Variants in NEMF observed in about 807,000 individuals in gnomAD.
NEMF encodes nuclear export mediator factor.
In NEMF, 89 loss-of-function variants were observed where a neutral mutation model predicts 162.2. The ratio of observed to expected loss-of-function variants is 0.55; its 90% CI spans 0.46 to 0.65. The LOEUF is 0.65. NEMF is among the 30% of genes least tolerant of loss of function. The probability of loss-of-function intolerance (pLI) is 0.00; values close to 1 mark genes in which losing one functional copy is unlikely to be tolerated. For synonymous variants in NEMF, 421 were observed against 404.5 expected (o/e 1.04, Z -0.49); for missense variants, 1,133 against 1,261.9 (o/e 0.90, Z 1.55).
intron 3 of NEMF, among the ~76,000 whole-genome samples, chr14:49,849,032 C>G (rs549556232): frequency 2.0e-5 from 3 of 152,070 alleles, no homozygotes; most frequent in African/African-American, 7.2e-5. Context: ...GACCTTATAG[C>G]CCAAATTGAC....
intron 15 of NEMF, among the ~76,000 whole-genome samples, chr14:49,827,579 G>T (rs758420641): frequency 6.6e-6 from 1 of 152,172 alleles, no homozygotes; most frequent in Non-Finnish European, 1.5e-5. Flanking sequence ...GTCAAGGCCT[G>T]AAGCGGGCGG....
intron 10 of NEMF, 69 bp downstream of exon 10, chr14:49,831,982 G>A: frequency 2.0e-6 from 2 of 1,019,268 alleles, no homozygotes; most frequent in Admixed American, 5.4e-5. Context: ...TTTCTCAATA[G>A]AAGCAAGTTG....
chr14:49,785,875 CAG>C (rs1445442144), intron 29 of NEMF: 2 of 109,494 alleles, frequency 1.8e-5, no homozygotes, highest in African/African-American at 7.4e-5. Flanking sequence ...GCCTGGGTGA[CAG>C]AGACCCTGTC....
chr14:49,840,335 G>A (rs910261985), intron 5 of NEMF, among the ~76,000 whole-genome samples: 17 of 151,964 alleles, frequency 1.1e-4, no homozygotes, highest in Non-Finnish European at 2.9e-5. Context: ...GGTGGCGCAC[G>A]CCTATAGTCC....
At position 49,785,240 on chromosome 14, in the gene NEMF, G is replaced by A; in HGVS notation, c.3009C>T (p.Tyr1003=). The part of the protein sequence containing the change: ...LLFAIPICAP[Y]TTMTNYKYKV... ...CTTACTTGTAGTTTGTCATGGTGGT[G>A]TAAGGGGCACATATTGGAATGGCAA... Residue 1003 remains tyrosine, a synonymous_variant, in exon 30 of 33, where the codon TAC becomes TAT. Transcript: ENST00000298310. The A allele has an allele frequency of 1.2e-6, 2 of 1,613,660 alleles. No individual in the cohort carries two copies. Among genetic ancestry groups the A allele is most frequent in the Non-Finnish European group, 1.7e-6 (2 of 1,179,628 alleles).
chr14:49,831,185 G>T (rs1295015444), intron 11 of NEMF, 114 bp downstream of exon 11: 1 of 630,640 alleles, frequency 1.6e-6, no homozygotes, highest in East Asian at 2.7e-5. Context: ...GCAGGTCAGA[G>T]AGTTCCCATA....
intron 8 of NEMF, among the ~76,000 whole-genome samples, chr14:49,832,517 A>C (rs1194960061): frequency 6.6e-6 from 1 of 151,320 alleles, no homozygotes; most frequent in African/African-American, 2.5e-5. Flanking sequence ...TTTTTAGTAG[A>C]GACAGGGGTT....
chr14:49,788,050 A>G (rs555062781), intron 28 of NEMF, among the ~76,000 whole-genome samples: 1 of 152,300 alleles, frequency 6.6e-6, no homozygotes, highest in African/African-American at 2.4e-5. Context: ...AGGCCAAGGC[A>G]GGCGGATCAC....
rs961975975 is a variant in NEMF at position 49,842,603 on chromosome 14, A to G, written c.358-1737T>C. On this transcript the variant is annotated intron_variant, in intron 4 of 32. Coordinates refer to ENST00000298310, the MANE Select transcript of NEMF (RefSeq NM_004713.6). ...ATAGTCACAGAATACGGTGGGAGTA[A>G]TCCCAAATTCATCTGAAATGACAGG... 2.0e-5 allele frequency among the ~76,000 whole-genome samples: 3 copies of G among 152,254 alleles called. No individual in the cohort carries two copies. The South Asian group carries it at 6.2e-4, about 31-fold the overall frequency.
In NEMF at chr14:49,828,212, T is replaced by G. The variant is rs1462106975; in HGVS notation, c.1488+79A>C. The G allele has an allele frequency of 5.0e-6, 5 of 1,006,114 alleles. No homozygotes were observed. The East Asian group carries it at 1.2e-4, about 24-fold the overall frequency. The allele number at this position is 1,006,114 out of a possible 1,614,324, so 62.3% of individuals were successfully genotyped here. ...ATACTTCTGAATTAGAAAACCTCAT[T>G]TAAACAGAAGAAATAATTATGTCCA... On this transcript the variant is annotated intron_variant, in intron 15 of 32. Transcript: ENST00000298310.
At position 49,794,718 on chromosome 14, in the gene NEMF, C is replaced by CTTT. The variant is rs10645758; in HGVS notation, c.2619+1070_2619+1072dup. On this transcript the variant is annotated intron_variant, in intron 26 of 32. Transcript: ENST00000298310. ...TCCCCTCATTTTTATACTGCTACAG[C>CTTT]TTTTTTTTTTTTTTTGAGACAGGCG... Among the ~76,000 whole-genome samples, 66 of 137,630 alleles carry CTTT rather than the reference C, an allele frequency of 4.8e-4. 2 individuals are homozygous for CTTT. The highest frequency in any genetic ancestry group is 6.9e-4 in the Non-Finnish European group (45 of 65,174). The allele number at this position is 137,630 out of a possible 152,430, so 90.3% of individuals were successfully genotyped here.
At chr14:49,798,637 G>A (rs900323168) in intron 25 of NEMF, among the ~76,000 whole-genome samples, 6 of 152,164 alleles carry the variant, frequency 3.9e-5, no homozygotes, top group Non-Finnish European at 7.3e-5. Context: ...GGCCAGGCGC[G>A]GTGGCTTATG....
At chr14:49,827,515 G>C (rs893564722) in intron 15 of NEMF, among the ~76,000 whole-genome samples, 1 of 151,924 alleles carries the variant, frequency 6.6e-6, no homozygotes, top group African/African-American at 2.4e-5. Flanking sequence ...GGATCACAAC[G>C]GGGCTAGGCA....
intron 16 of NEMF, 150 bp downstream of exon 16, chr14:49,825,717 C>T (rs1394586093): frequency 6.9e-6 from 4 of 580,196 alleles, no homozygotes; most frequent in East Asian, 5.8e-5. Flanking sequence ...CCCTGGGTGA[C>T]AGAGAACCTG....
In NEMF at chr14:49,790,242, A is replaced by G. The variant is rs191415281; in HGVS notation, c.2620-669T>C. Among the ~76,000 whole-genome samples the G allele has an allele frequency of 2.0e-5, 3 of 152,364 alleles. No individual in the cohort carries two copies. The East Asian group carries it at 5.8e-4, about 29-fold the overall frequency. ...TGCTACTCATCAAAAAAGACTATTA[A>G]AAAGTGAAAAACAGCAATCCCCAAA... On this transcript the variant is annotated intron_variant, in intron 26 of 32. Transcript: ENST00000298310.
chr14:49,803,914 T>A (rs1891070134), intron 19 of NEMF, among the ~76,000 whole-genome samples: 1 of 152,196 alleles, frequency 6.6e-6, no homozygotes. Flanking sequence ...GATAGGTTAA[T>A]GAGCTTATCA....
At chr14:49,829,287 T>G in intron 12 of NEMF, 25 bp from the exon 13 acceptor site, 2 of 1,613,198 alleles carry the variant, frequency 1.2e-6, no homozygotes, top group Non-Finnish European at 1.7e-6. Flanking sequence ...CACACACATT[T>G]ACTACATTGC....
At chr14:49,806,381 C>T (rs1227858392) in intron 18 of NEMF, among the ~76,000 whole-genome samples, 1 of 148,440 alleles carries the variant, frequency 6.7e-6, no homozygotes, top group Non-Finnish European at 1.5e-5. Flanking sequence ...CTGCCTCAGC[C>T]TCCCGAGTAG....
At chr14:49,803,344 T>C in intron 19 of NEMF, 50 bp from the exon 20 acceptor site, 1 of 1,313,698 alleles carries the variant, frequency 7.6e-7, no homozygotes, top group Non-Finnish European at 1.1e-6. Flanking sequence ...AATACTCTAG[T>C]TTTCTTTTTC....
Sources: gnomAD v4.1 joint callset for allele counts (sites outside exome capture counted in the v4.1 genomes callset) on GRCh38, gnomAD v4.1.1 for gene constraint, MANE v1.5 for transcripts, NCBI Gene and HGNC (gene_info 2026-07-23, HGNC 2026-07-21) for gene names.